UNC13A: variants seen among roughly 807,000 people sequenced by gnomAD.
The protein encoded by UNC13A is unc-13 homolog A.
In UNC13A, 61 loss-of-function variants were observed where a neutral mutation model predicts 219.7. That is an observed-to-expected ratio of 0.28 (90% confidence interval 0.23 to 0.34). UNC13A has a LOEUF of 0.34. UNC13A is among the 10% of genes least tolerant of loss of function. The probability of loss-of-function intolerance (pLI) is 1.00; values close to 1 mark genes in which losing one functional copy is unlikely to be tolerated. For missense variants in UNC13A, 1,476 were observed against 2,270.3 expected (o/e 0.65, Z 7.11); for synonymous variants, 920 against 884.6 (o/e 1.04, Z -0.71).
chr19:17,609,891 G>A lies in UNC13A; in HGVS notation c.4811+49C>T, dbSNP rs1050125733. ...TAGCTGGCTTTGGGGTTCACCTGGC[G>A]GATGCCCCCTCCCTTGCCCCCATGC... On this transcript the variant is annotated intron_variant, in intron 43 of 43. Coordinates refer to ENST00000519716, the MANE Select transcript of UNC13A (RefSeq NM_001080421.3). 3.7e-6 allele frequency: 6 copies of A among 1,604,794 alleles called. No homozygotes were observed. In the Admixed American group the frequency reaches 5.0e-5, roughly 13 times the overall value.
At position 17,606,137 on chromosome 19, in the gene UNC13A, T is replaced by G; in HGVS notation, c.5029A>C (p.Asn1677His). ...TVLRILSQRS[N>H]DEVAKEFVKL... ...ACGAACTCCTTGGCCACCTCGTCGT[T>G]GCTGCGCTGCGAGAGGATTCGCAGC... Residue 1677 changes from asparagine (N) to histidine (H), a missense_variant, in exon 44 of 44, where the codon AAC becomes CAC. By Grantham distance (68) the Asn-to-His change is moderately conservative (BLOSUM62 1). Coordinates refer to ENST00000519716, the MANE Select transcript of UNC13A (RefSeq NM_001080421.3). 1 of 1,592,164 alleles carries G rather than the reference T, an allele frequency of 6.3e-7. No individual in the cohort carries two copies. The highest frequency in any genetic ancestry group is 8.5e-7 in the Non-Finnish European group (1 of 1,170,974).
chr19:17,631,630 C>T (rs1223781148), intron 28 of UNC13A, among the ~76,000 whole-genome samples: 2 of 152,304 alleles, frequency 1.3e-5, no homozygotes, highest in Non-Finnish European at 2.9e-5. Context: ...CCGTACTATC[C>T]TCCAACACAC....
intron 38 of UNC13A, among the ~76,000 whole-genome samples, chr19:17,619,615 T>C (rs2076706748): frequency 6.6e-6 from 1 of 152,026 alleles, no homozygotes; most frequent in East Asian, 1.9e-4. Context: ...ATTTTTTTCA[T>C]AGAGATGGGG....
At chr19:17,668,690 T>C (rs926069139) in intron 5 of UNC13A, among the ~76,000 whole-genome samples, 3 of 152,134 alleles carry the variant, frequency 2.0e-5, no homozygotes, top group Admixed American at 2.0e-4. Flanking sequence ...GGTTTCTCCA[T>C]GTTGGCCAGG....
chr19:17,639,736 C>T lies in UNC13A; in HGVS notation c.2856+104G>A, dbSNP rs1463012838. The stretch of plus-strand genomic sequence containing the variant: ...ACACATGCTGGAGGAACACATCGTA[C>T]ATGCGAAGATGGGTCCTCCCATGCA... On this transcript the variant is annotated intron_variant, in intron 23 of 43. Coordinates refer to ENST00000519716, the MANE Select transcript of UNC13A (RefSeq NM_001080421.3). 6.6e-6 allele frequency: 9 copies of T among 1,356,862 alleles called. No individual in the cohort carries two copies. The East Asian group carries it at 1.9e-4, about 28-fold the overall frequency. 84.1% of individuals were successfully genotyped at this position (1,356,862 alleles called of 1,614,324 possible). A position where few individuals can be genotyped will look rare whatever the true frequency, so the allele number is the denominator to read the frequency against.
intron 11 of UNC13A, 67 bp downstream of exon 11, chr19:17,655,207 G>C: frequency 1.5e-6 from 2 of 1,343,480 alleles, no homozygotes; most frequent in East Asian, 2.5e-5. Flanking sequence ...GCCAAAACAT[G>C]TGTGGGCCTG....
At position 17,606,362 on chromosome 19, in the gene UNC13A, G is replaced by A. The variant is rs2076529708; in HGVS notation, c.4812-8C>T. ...GCGTCGGCGCTCAGCGTGCTGCGTG[G>A]GGAGGGGCGGAACGTGAGACAGGCC... On this transcript the variant is annotated splice_region_variant and splice_polypyrimidine_tract_variant and intron_variant, in intron 43 of 43. Transcript: ENST00000519716. The A allele has an allele frequency of 6.5e-7, 1 of 1,541,250 alleles. No homozygotes were observed. Among genetic ancestry groups the A allele is most frequent in the Non-Finnish European group, 8.7e-7 (1 of 1,146,442 alleles).
At chr19:17,612,114 C>T (rs2076610900) in intron 41 of UNC13A, 2 of 362,066 alleles carry the variant, frequency 5.5e-6, no homozygotes, top group Non-Finnish European at 9.9e-6. Flanking sequence ...TTTCTTTTTT[C>T]TTATTCCATT....
At chr19:17,628,146 G>C (rs1184388230) in intron 31 of UNC13A, 1 of 567,210 alleles carries the variant, frequency 1.8e-6, no homozygotes, top group East Asian at 3.0e-5. Context: ...GGACTGGTGG[G>C]GGCAAGGAGG....
rs1175553975 is a variant in UNC13A, at chr19:17,647,247, C to A, written c.2044+18G>T. On this transcript the variant is annotated intron_variant, in intron 17 of 43. Coordinates refer to ENST00000519716, the MANE Select transcript of UNC13A (RefSeq NM_001080421.3). ...GGGTGGAGAAGGAGGGGCCCTATGGCGGCCCACGCCCCCTCACCGGTGATG... is the reference window on the plus strand; with the variant it reads ...GGGTGGAGAAGGAGGGGCCCTATGGAGGCCCACGCCCCCTCACCGGTGATG... 3 of 1,548,630 alleles carry A rather than the reference C, an allele frequency of 1.9e-6. No homozygotes were observed. Among genetic ancestry groups the A allele is most frequent in the Non-Finnish European group, 2.6e-6 (3 of 1,145,882 alleles).
At chr19:17,653,473 T>A (rs2079390544) in intron 11 of UNC13A, among the ~76,000 whole-genome samples, 1 of 151,604 alleles carries the variant, frequency 6.6e-6, no homozygotes, top group Admixed American at 6.6e-5. Flanking sequence ...TCAGCCTTCC[T>A]AGTAGCTGGG....
intron 1 of UNC13A, among the ~76,000 whole-genome samples, chr19:17,678,495 G>C (rs2079943206): frequency 6.6e-6 from 1 of 152,128 alleles, no homozygotes; most frequent in South Asian, 2.1e-4. Context: ...TTTGAGCCAG[G>C]TTCAGATTCC....
At chr19:17,628,590 G>C (rs2076808997) in intron 31 of UNC13A, among the ~76,000 whole-genome samples, 1 of 151,846 alleles carries the variant, frequency 6.6e-6, no homozygotes, top group African/African-American at 2.4e-5. Context: ...ACTATAACCA[G>C]TTAACACAGC....
Position 17,626,080 on chromosome 19 carries a change from T to A in UNC13A, c.4073+553A>T, listed in dbSNP as rs1200021546. Among the ~76,000 whole-genome samples, 3 of 152,036 alleles carry A rather than the reference T, an allele frequency of 2.0e-5. No homozygotes were observed. In the East Asian group the frequency reaches 5.8e-4, roughly 29 times the overall value. The stretch of plus-strand genomic sequence containing the variant: ...ATCCATTTATTCATCCATCCACCCA[T>A]CTGTCCATCCATTTATGCATCAAAA... On this transcript the variant is annotated intron_variant, in intron 34 of 43. Coordinates refer to ENST00000519716, the MANE Select transcript of UNC13A (RefSeq NM_001080421.3).
At chr19:17,634,733 C>G (rs151191333) in intron 26 of UNC13A, among the ~76,000 whole-genome samples, 1 of 151,968 alleles carries the variant, frequency 6.6e-6, no homozygotes, top group East Asian at 1.9e-4. Flanking sequence ...CTCGCTCTGT[C>G]ACCCCAGGCT....
chr19:17,638,316 A>G (rs73526081), intron 25 of UNC13A, among the ~76,000 whole-genome samples: 2,598 of 151,876 alleles, frequency 0.017, 74 homozygotes, highest in African/African-American at 0.059. Context: ...AAAAATACAA[A>G]AACTAGCCTG....
At chr19:17,616,436 G>A (rs1445089427) in intron 41 of UNC13A, 2 of 694,910 alleles carry the variant, frequency 2.9e-6, no homozygotes, top group Non-Finnish European at 2.6e-6. Flanking sequence ...CTTCACTAAG[G>A]GTAAACCTAG....
Position 17,668,302 on chromosome 19 carries a change from A to G in UNC13A, c.395-112T>C. ...CCCTGGCTTCTGGGGTCTTTGGCAA[A>G]GCCTCAGAAGTAGGGGTGGGTTGGT... On this transcript the variant is annotated intron_variant, in intron 5 of 43. Coordinates refer to ENST00000519716, the MANE Select transcript of UNC13A (RefSeq NM_001080421.3). The G allele has an allele frequency of 4.0e-6, 4 of 1,003,334 alleles. No homozygotes were observed. The South Asian group carries it at 5.8e-5, about 14-fold the overall frequency. The allele number at this position is 1,003,334 out of a possible 1,614,324, so 62.2% of individuals were successfully genotyped here. A position where few individuals can be genotyped will look rare whatever the true frequency, so the allele number is the denominator to read the frequency against.
Position 17,630,550 on chromosome 19 carries a change from T to C in UNC13A, c.3525+104A>G, listed in dbSNP as rs541215364. On this transcript the variant is annotated intron_variant, in intron 29 of 43. Coordinates refer to ENST00000519716, the MANE Select transcript of UNC13A (RefSeq NM_001080421.3). ...TTAAAAACCATGAGCAAGACAAAGA[T>C]GGCGGACACCTACCAGAGACTGGCC... 8 of 1,281,866 alleles carry C rather than the reference T, an allele frequency of 6.2e-6. No individual in the cohort carries two copies. In the African/African-American group the frequency reaches 7.4e-5, roughly 12 times the overall value. The allele number at this position is 1,281,866 out of a possible 1,614,324, so 79.4% of individuals were successfully genotyped here.
Sources: gnomAD v4.1 joint callset for allele counts (sites outside exome capture counted in the v4.1 genomes callset) on GRCh38, gnomAD v4.1.1 for gene constraint, MANE v1.5 for transcripts, NCBI Gene and HGNC (gene_info 2026-07-23, HGNC 2026-07-21) for gene names.